PRELP: variants seen among roughly 807,000 people sequenced by gnomAD.
PRELP encodes the protein prolargin.
Under a neutral mutation model 22.8 loss-of-function variants are expected in PRELP, and 16 were observed. That is an observed-to-expected ratio of 0.70 (90% confidence interval 0.47 to 1.06). The LOEUF (loss-of-function observed/expected upper bound fraction) is 1.06, where lower values mean the gene tolerates loss of function less well. Among genes scored for constraint, PRELP ranks in the 50% least tolerant of loss-of-function variants. The pLI is 0.00. For missense variants in PRELP, 434 were observed against 485.2 expected (o/e 0.89, Z 0.99); for synonymous variants, 233 against 211.4 (o/e 1.10, Z -0.89).
Position 203,483,945 on chromosome 1 carries a change from T to C in PRELP, c.761T>C (p.Ile254Thr). Reference sequence around the variant, plus strand: ...CAGCTCTACCTGGACAGTAACAAGATTGAGACCATCCCTAACGGATACTTC... The same window carrying C: ...CAGCTCTACCTGGACAGTAACAAGACTGAGACCATCCCTAACGGATACTTC... ...IHQLYLDSNKIETIPNGYFKS... is the reference protein window; with the variant it reads ...IHQLYLDSNKTETIPNGYFKS... The change falls in exon 2 of 3, where the codon ATT (isoleucine) becomes ACT (threonine). Residue 254 changes from isoleucine (I) to threonine (T), a missense_variant. Coordinates refer to ENST00000343110, the MANE Select transcript of PRELP (RefSeq NM_002725.4). The surrounding 1 kb of genome is among the most constrained non-coding windows in gnomAD (Gnocchi z 4.4). The C allele has an allele frequency of 6.2e-7, 1 of 1,614,218 alleles. No homozygotes were observed. The highest frequency in any genetic ancestry group is 8.5e-7 in the Non-Finnish European group (1 of 1,180,048).
chr1:203,486,606 A>G (rs1462787734), intron 2 of PRELP, 100 bp from the exon 3 acceptor site: 4 of 1,156,368 alleles, frequency 3.5e-6, no homozygotes, highest in Non-Finnish European at 5.0e-6. Context: ...TTCAGAGAGA[A>G]GTCTACAGTC....
In PRELP at chr1:203,483,063, C is replaced by T; in HGVS notation, c.-16-106C>T. On this transcript the variant is annotated intron_variant, in intron 1 of 2. Coordinates refer to ENST00000343110, the MANE Select transcript of PRELP (RefSeq NM_002725.4). The surrounding 1 kb of genome is among the most constrained non-coding windows in gnomAD (Gnocchi z 4.4). ...TGCTTCCACAGCTCCCTGAGCTCTG[C>T]CCATCTTCCCTAGAGCTCTAGTTCT... 1 of 910,566 alleles carries T rather than the reference C, an allele frequency of 1.1e-6. No individual in the cohort carries two copies. The highest frequency in any genetic ancestry group is 1.7e-5 in the African/African-American group (1 of 60,124). The allele number at this position is 910,566 out of a possible 1,614,324, so 56.4% of individuals were successfully genotyped here. A position where few individuals can be genotyped will look rare whatever the true frequency, so the allele number is the denominator to read the frequency against.
At position 203,484,020 on chromosome 1, in the gene PRELP, C is replaced by T; in HGVS notation, c.836C>T (p.Thr279Ile). Residue 279 changes from threonine to isoleucine, a missense_variant, in exon 2 of 3, where the codon ACA becomes ATA. Transcript: ENST00000343110. ...ATTCGGCTTAACTACAACAAGCTGA[C>T]AGACAGGGGACTCCCCAAGAACTCC... ...AFIRLNYNKLTDRGLPKNSFN... is the reference protein window; with the variant it reads ...AFIRLNYNKLIDRGLPKNSFN... 6.2e-7 allele frequency: 1 copy of T among 1,614,270 alleles called. No individual in the cohort carries two copies. The highest frequency in any genetic ancestry group is 8.5e-7 in the Non-Finnish European group (1 of 1,180,048).
intron 2 of PRELP, among the ~76,000 whole-genome samples, chr1:203,484,839 G>A (rs1008811818): frequency 2.0e-5 from 3 of 152,234 alleles, no homozygotes; most frequent in Non-Finnish European, 4.4e-5. Flanking sequence ...CCCAGGAGAG[G>A]AGGCTGGAAG....
At position 203,483,806 on chromosome 1, in the gene PRELP, AGCGACG is replaced by A; in HGVS notation, c.626_631del (p.Asp209_Gly210del). ...CCTGGATCTCCAGCACAACAGGCTG[AGCGACG>A]GCGTCTTCAAGCCCGACACCTTCCA... On this transcript the variant is annotated inframe_deletion, in exon 2 of 3. Coordinates refer to ENST00000343110, the MANE Select transcript of PRELP (RefSeq NM_002725.4). This position sits in a 1 kb window ranked among gnomAD's most constrained non-coding sequence, Gnocchi z 4.4. 1 of 1,614,160 alleles carries A rather than the reference AGCGACG, an allele frequency of 6.2e-7. No individual in the cohort carries two copies. Among genetic ancestry groups the A allele is most frequent in the Non-Finnish European group, 8.5e-7 (1 of 1,180,010 alleles).
chr1:203,481,313 C>T (rs1189432829), intron 1 of PRELP, among the ~76,000 whole-genome samples: 1 of 152,114 alleles, frequency 6.6e-6, no homozygotes, highest in Non-Finnish European at 1.5e-5. Context: ...GCTTTAACTA[C>T]CCCCTTAATT....
At chr1:203,479,472 G>T (rs1407784850) in intron 1 of PRELP, among the ~76,000 whole-genome samples, 1 of 152,124 alleles carries the variant, frequency 6.6e-6, no homozygotes, top group Non-Finnish European at 1.5e-5. Context: ...GGAGACTGAG[G>T]AGGACAGATC....
In PRELP at chr1:203,489,267, A is replaced by G. The variant is rs763980022; in HGVS notation, c.*2386A>G. ...GCAAACCCAGACTCGTTGAGCAGCA[A>G]CGCAATCACCATCATCCCACTGCCC... On this transcript the variant is annotated 3_prime_UTR_variant, in exon 3 of 3. Transcript: ENST00000343110. The G allele has an allele frequency of 2.0e-5, 3 of 152,588 alleles. No individual in the cohort carries two copies. Among genetic ancestry groups the G allele is most frequent in the Admixed American group, 6.5e-5 (1 of 15,278 alleles). 9.5% of individuals were successfully genotyped at this position (152,588 alleles called of 1,614,324 possible).
In PRELP at chr1:203,483,394, C is replaced by T; in HGVS notation, c.210C>T (p.Phe70=). The stretch of plus-strand genomic sequence containing the variant: ...TCCCTCCAGGCCCTCCATCTATCTT[C>T]CCTGACTGTCCCCGCGAATGCTACT... ...PPLPPGPPSI[F]PDCPRECYCP... is the part of the protein sequence containing the mutation. Residue 70 remains phenylalanine, a synonymous_variant, in exon 2 of 3, where the codon TTC becomes TTT. Transcript: ENST00000343110. This position sits in a 1 kb window ranked among gnomAD's most constrained non-coding sequence, Gnocchi z 4.4. 6.2e-7 allele frequency: 1 copy of T among 1,614,152 alleles called. No individual in the cohort carries two copies. The highest frequency in any genetic ancestry group is 8.5e-7 in the Non-Finnish European group (1 of 1,180,014).
chr1:203,483,423 C>T lies in PRELP; in HGVS notation c.239C>T (p.Pro80Leu). The T allele has an allele frequency of 1.2e-6, 2 of 1,614,174 alleles. No homozygotes were observed. The highest frequency in any genetic ancestry group is 8.5e-7 in the Non-Finnish European group (1 of 1,180,016). ...FPDCPRECYC[P>L]PDFPSALYCD... ...GACTGTCCCCGCGAATGCTACTGCC[C>T]CCCTGATTTCCCATCTGCCCTCTAC... The change falls in exon 2 of 3, where the codon CCC becomes CTC. Residue 80 changes from proline (P) to leucine (L), a missense_variant. Pro to Leu is a moderately conservative substitution (Grantham distance 98). Transcript: ENST00000343110. The surrounding 1 kb of genome is among the most constrained non-coding windows in gnomAD (Gnocchi z 4.4).
Position 203,486,746 on chromosome 1 carries a change from G to C in PRELP, c.1014G>C (p.Ala338=), listed in dbSNP as rs200227595. The change falls in exon 3 of 3, where the codon GCG becomes GCC. Residue 338 remains alanine, a synonymous_variant. Transcript: ENST00000343110. The part of the protein sequence containing the change: ...GTQICPNDLV[A]FHDFSSDLEN... ...AGATTTGCCCCAACGACCTAGTGGC[G>C]TTCCATGACTTCTCCTCGGACCTGG... 1.2e-6 allele frequency: 2 copies of C among 1,613,966 alleles called. No individual in the cohort carries two copies. Among genetic ancestry groups the C allele is most frequent in the Non-Finnish European group, 1.7e-6 (2 of 1,179,900 alleles).
intron 1 of PRELP, among the ~76,000 whole-genome samples, chr1:203,480,476 G>A (rs957778220): frequency 2.0e-5 from 3 of 152,240 alleles, no homozygotes; most frequent in Non-Finnish European, 4.4e-5. Context: ...GGTACCCTCA[G>A]TCTGTCACAC....
At chr1:203,485,493 C>T (rs1198719547) in intron 2 of PRELP, among the ~76,000 whole-genome samples, 3 of 152,150 alleles carry the variant, frequency 2.0e-5, no homozygotes, top group Non-Finnish European at 4.4e-5. Flanking sequence ...TCACAATGAC[C>T]ATAATGCTGC....
At chr1:203,481,219 G>A (rs1660994857) in intron 1 of PRELP, among the ~76,000 whole-genome samples, 2 of 149,792 alleles carry the variant, frequency 1.3e-5, no homozygotes, top group Non-Finnish European at 3.0e-5. Context: ...CTAGGCTTCT[G>A]GGTGATTAGA....
Position 203,483,406 on chromosome 1 carries a change from C to T in PRELP, c.222C>T (p.Pro74=), listed in dbSNP as rs558443908. 54 of 1,614,136 alleles carry T rather than the reference C, an allele frequency of 3.3e-5. 3 individuals carry two copies. In the African/African-American group the frequency reaches 4.4e-4, roughly 13 times the overall value. ...CTCCATCTATCTTCCCTGACTGTCC[C>T]CGCGAATGCTACTGCCCCCCTGATT... The part of the protein sequence containing the change: ...PGPPSIFPDC[P]RECYCPPDFP... The change falls in exon 2 of 3, where the codon CCC becomes CCT. Residue 74 remains proline, a synonymous_variant. Coordinates refer to ENST00000343110, the MANE Select transcript of PRELP (RefSeq NM_002725.4). This position sits in a 1 kb window ranked among gnomAD's most constrained non-coding sequence, Gnocchi z 4.4.
At chr1:203,476,468 T>A (rs1240977168) in intron 1 of PRELP, among the ~76,000 whole-genome samples, 1 of 152,128 alleles carries the variant, frequency 6.6e-6, no homozygotes, top group Non-Finnish European at 1.5e-5. Flanking sequence ...CACACATGCA[T>A]GCACACATGT....
Position 203,486,905 on chromosome 1 carries a change from C to A in PRELP, c.*24C>A. The A allele has an allele frequency of 6.3e-7, 1 of 1,591,428 alleles. No individual in the cohort carries two copies. The highest frequency in any genetic ancestry group is 1.1e-5 in the South Asian group (1 of 88,862). ...AGGCCCTACTCCGCCACCGGATCTG[C>A]TCTGACCGCACTTGAAGGCTGGGGC... On this transcript the variant is annotated 3_prime_UTR_variant, in exon 3 of 3. Transcript: ENST00000343110.
chr1:203,482,431 A>G (rs1260046980), intron 1 of PRELP, among the ~76,000 whole-genome samples: 10 of 150,148 alleles, frequency 6.7e-5, no homozygotes, highest in Non-Finnish European at 1.5e-4. Flanking sequence ...GGTGTCCAAC[A>G]CCACACCCTG....
Position 203,479,675 on chromosome 1 carries a change from G to A in PRELP, c.-16-3494G>A, listed in dbSNP as rs80149187. On this transcript the variant is annotated intron_variant, in intron 1 of 2. Coordinates refer to ENST00000343110, the MANE Select transcript of PRELP (RefSeq NM_002725.4). The stretch of plus-strand genomic sequence containing the variant: ...GCTGTGATTGCACTACTGCACTCTA[G>A]CCTGGTCAACAAAGGGAGACCCTGT... 7.2e-3 allele frequency among the ~76,000 whole-genome samples: 851 copies of A among 118,870 alleles called. 8 individuals carry two copies. The highest frequency in any genetic ancestry group is 0.027 in the African/African-American group (826 of 30,688). The allele number at this position is 118,870 out of a possible 152,430, so 78.0% of individuals were successfully genotyped here.
Sources: gnomAD v4.1 joint callset for allele counts (sites outside exome capture counted in the v4.1 genomes callset) on GRCh38, gnomAD v4.1.1 for gene constraint, Gnocchi (gnomAD v3.1) non-coding constraint, MANE v1.5 for transcripts, NCBI Gene and HGNC (gene_info 2026-07-23, HGNC 2026-07-21) for gene names.